The following AP1G1 variants were observed in gnomAD, a reference collection of about 807,000 sequenced individuals.
AP1G1 encodes the protein adaptor related protein complex 1 subunit gamma 1, also known as AP-1 complex subunit gamma-1.
In AP1G1, 7 loss-of-function variants were observed where a neutral mutation model predicts 108.3. That is an observed-to-expected ratio of 0.06 (90% CI 0.04 to 0.12). The LOEUF (loss-of-function observed/expected upper bound fraction) is 0.12. Among genes scored for constraint, AP1G1 ranks in the 10% least tolerant of loss-of-function variants. The pLI, the probability that AP1G1 is intolerant of heterozygous loss-of-function variation, is 1.00. For synonymous variants in AP1G1, 379 were observed against 353.5 expected, an observed-to-expected ratio of 1.07 and a Z score of -0.81; for missense variants, 756 against 1,010.7, an observed-to-expected ratio of 0.75 and a Z score of 3.42.
At chr16:71,755,477 A>C (rs1434600578) in intron 12 of AP1G1, among the ~76,000 whole-genome samples, 1 of 152,178 alleles carries the variant, frequency 6.6e-6, no homozygotes, top group African/African-American at 2.4e-5. Flanking sequence ...CATAGATGAG[A>C]GGTTAAAGAA....
intron 15 of AP1G1, 101 bp downstream of exon 15, chr16:71,749,793 A>C: frequency 1.9e-6 from 2 of 1,026,566 alleles, no homozygotes; most frequent in Non-Finnish European, 1.5e-6. Flanking sequence ...GCCTGGCCTA[A>C]AAAGTTTTCA....
chr16:71,782,451 C>T (rs1036230895), intron 2 of AP1G1, among the ~76,000 whole-genome samples: 2 of 151,016 alleles, frequency 1.3e-5, no homozygotes, highest in African/African-American at 2.4e-5. Context: ...AGTTTAGTCA[C>T]CGCACCCAGC....
At chr16:71,787,722 C>A (rs1434174993) in intron 2 of AP1G1, among the ~76,000 whole-genome samples, 1 of 152,108 alleles carries the variant, frequency 6.6e-6, no homozygotes, top group African/African-American at 2.4e-5. Flanking sequence ...CTATGACACA[C>A]AGTATATGGA....
At chr16:71,746,923 C>T in intron 16 of AP1G1, 1 of 352,542 alleles carries the variant, frequency 2.8e-6, no homozygotes. Context: ...ATATGCCATC[C>T]CCATTCAGCA....
At position 71,736,550 on chromosome 16, in the gene AP1G1, T is replaced by TATTA. The variant is rs1213210055; in HGVS notation, c.2269-1847_2269-1844dup. Among the ~76,000 whole-genome samples, 90 of 122,002 alleles carry TATTA rather than the reference T, an allele frequency of 7.4e-4. 2 individuals carry two copies. Among genetic ancestry groups the TATTA allele is most frequent in the Middle Eastern group, 8.0e-3 (2 of 250 alleles). The allele number at this position is 122,002 out of a possible 152,430, so 80.0% of individuals were successfully genotyped here. A position where few individuals can be genotyped will look rare whatever the true frequency, so the allele number is the denominator to read the frequency against. On this transcript the variant is annotated intron_variant, in intron 21 of 22. Coordinates refer to ENST00000299980, the MANE Select transcript of AP1G1 (RefSeq NM_001128.6). ...CGCCCGCCACCACGCCCGGCTAATTTATTATTTATTTATTTATTTATTTAT... is the reference window on the plus strand; with the variant it reads ...CGCCCGCCACCACGCCCGGCTAATTTATTAATTATTTATTTATTTATTTATTTAT...
At chr16:71,785,512 C>T (rs951241389) in intron 2 of AP1G1, among the ~76,000 whole-genome samples, 1 of 142,018 alleles carries the variant, frequency 7.0e-6, no homozygotes, top group African/African-American at 2.7e-5. Context: ...GTAGTGAAGG[C>T]TGCAATGAGC....
chr16:71,785,447 G>A (rs1342848093), intron 2 of AP1G1, among the ~76,000 whole-genome samples: 2 of 151,870 alleles, frequency 1.3e-5, no homozygotes, highest in Admixed American at 6.6e-5. Flanking sequence ...GTGGTGGCAG[G>A]TGCCTGTAGC....
At chr16:71,796,378 T>C (rs560638641) in intron 1 of AP1G1, among the ~76,000 whole-genome samples, 1 of 152,322 alleles carries the variant, frequency 6.6e-6, no homozygotes, top group South Asian at 2.1e-4. Context: ...AGACCAACTT[T>C]ATATGGTCTG....
chr16:71,784,556 AT>A (rs1249244226), intron 2 of AP1G1, among the ~76,000 whole-genome samples: 4 of 151,950 alleles, frequency 2.6e-5, no homozygotes, highest in African/African-American at 9.7e-5. Context: ...GGGCTAAGAT[AT>A]TTTTTTGTTG....
At chr16:71,785,861 A>G (rs1437166524) in intron 2 of AP1G1, among the ~76,000 whole-genome samples, 2 of 152,106 alleles carry the variant, frequency 1.3e-5, no homozygotes, top group African/African-American at 4.8e-5. Context: ...CAGCCTGGGC[A>G]ACAGGGCGAG....
chr16:71,795,743 T>C (rs1274078016), intron 1 of AP1G1, among the ~76,000 whole-genome samples: 1 of 152,250 alleles, frequency 6.6e-6, no homozygotes, highest in Non-Finnish European at 1.5e-5. Flanking sequence ...CATCTTATTC[T>C]GGCTATCATT....
At chr16:71,777,095 C>A (rs1171429106) in intron 2 of AP1G1, among the ~76,000 whole-genome samples, 1 of 97,178 alleles carries the variant, frequency 1.0e-5, no homozygotes, top group African/African-American at 4.8e-5. Context: ...AGGAAAACAG[C>A]CAAACTGTTA....
In AP1G1 at chr16:71,730,010, TAA is replaced by T. The variant is rs2045462877; in HGVS notation, c.*3046_*3047del. The T allele has an allele frequency of 6.6e-6, 1 of 152,514 alleles. No individual in the cohort carries two copies. Among genetic ancestry groups the T allele is most frequent in the Non-Finnish European group, 1.5e-5 (1 of 68,030 alleles). 9.4% of individuals were successfully genotyped at this position (152,514 alleles called of 1,614,324 possible). On this transcript the variant is annotated 3_prime_UTR_variant, in exon 23 of 23. Coordinates refer to ENST00000299980, the MANE Select transcript of AP1G1 (RefSeq NM_001128.6). ...ATAAACCATTAGTGTTGGACAGTTT[TAA>T]AAGTCTATTTTCATATATGAATGGG...
chr16:71,748,357 C>A lies in AP1G1; in HGVS notation c.1519G>T (p.Asp507Tyr). ...PIQVTEDEVLDILESVLISNM... is the reference protein window; with the variant it reads ...PIQVTEDEVLYILESVLISNM... ...GAGATTAGGACACTTTCTAAAATAT[C>A]CAACACTTCATCCTCTGTTACCTGA... is the stretch of plus-strand genomic sequence containing the variant. The change falls in exon 16 of 23, where the codon GAT becomes TAT. Residue 507 changes from aspartate to tyrosine, a missense_variant. Coordinates refer to ENST00000299980, the MANE Select transcript of AP1G1 (RefSeq NM_001128.6). The A allele has an allele frequency of 1.2e-6, 2 of 1,613,302 alleles. No homozygotes were observed. The highest frequency in any genetic ancestry group is 8.5e-7 in the Non-Finnish European group (1 of 1,179,774).
intron 19 of AP1G1, among the ~76,000 whole-genome samples, chr16:71,744,685 C>G (rs2030077735): frequency 6.8e-6 from 1 of 147,442 alleles, no homozygotes; most frequent in South Asian, 2.2e-4. Context: ...AAGCGATTCT[C>G]CTGCCTCAGC....
chr16:71,733,112 T>C lies in AP1G1; in HGVS notation c.2415A>G (p.Ser805=). 1 of 1,614,220 alleles carries C rather than the reference T, an allele frequency of 6.2e-7. No homozygotes were observed. Among genetic ancestry groups the C allele is most frequent in the Non-Finnish European group, 8.5e-7 (1 of 1,180,016 alleles). ...RIKLTYNHKG[S]AMQDLAEVNN... ...TCACCTCTGCTAGATCTTGCATTGC[T>C]GAGCCCTTGTGATTATATGTAAGCT... The change falls in exon 23 of 23, where the codon TCA becomes TCG. Residue 805 remains serine (S), a synonymous_variant. Coordinates refer to ENST00000299980, the MANE Select transcript of AP1G1 (RefSeq NM_001128.6).
chr16:71,807,188 GGCC>G (rs2033022749), intron 1 of AP1G1, among the ~76,000 whole-genome samples: 1 of 81,682 alleles, frequency 1.2e-5, no homozygotes, highest in East Asian at 3.1e-3. Context: ...CACTTTGGGA[GGCC>G]GAGGCGGGCG....
At chr16:71,770,629 C>T (rs866192860) in intron 5 of AP1G1, among the ~76,000 whole-genome samples, 2 of 152,352 alleles carry the variant, frequency 1.3e-5, no homozygotes, top group Middle Eastern at 6.8e-3. Flanking sequence ...AGGCATGTGC[C>T]ATCACACCCA....
At chr16:71,752,065 G>T (rs2030535861) in intron 13 of AP1G1, among the ~76,000 whole-genome samples, 1 of 152,072 alleles carries the variant, frequency 6.6e-6, no homozygotes, top group African/African-American at 2.4e-5. Flanking sequence ...CGTATTCCAG[G>T]TATGTAAGGC....
Sources: gnomAD v4.1 joint callset for allele counts (sites outside exome capture counted in the v4.1 genomes callset) on GRCh38, gnomAD v4.1.1 for gene constraint, MANE v1.5 for transcripts, NCBI Gene and HGNC (gene_info 2026-07-23, HGNC 2026-07-21) for gene names.